The following TERF2IP variants were observed in gnomAD, a reference collection of about 807,000 sequenced individuals.
TERF2IP encodes the protein telomeric repeat-binding factor 2-interacting protein 1.
Under a neutral mutation model 33.3 loss-of-function variants are expected in TERF2IP, and 35 were observed. That is an observed-to-expected ratio of 1.05 (90% CI 0.80 to 1.39). The LOEUF (loss-of-function observed/expected upper bound fraction) is 1.39, where lower values mean the gene tolerates loss of function less well. Ranked by LOEUF, TERF2IP falls within the 40% of genes most tolerant of loss-of-function variation. TERF2IP has a pLI of 0.00. For missense variants in TERF2IP, 583 were observed against 524.8 expected, an observed-to-expected ratio of 1.11 and a Z score of -1.08; for synonymous variants, 253 against 223.2, an observed-to-expected ratio of 1.13 and a Z score of -1.19.
chr16:75,651,060 T>C (rs1280358880), intron 1 of TERF2IP, among the ~76,000 whole-genome samples: 1 of 152,184 alleles, frequency 6.6e-6, no homozygotes, highest in Non-Finnish European at 1.5e-5. Flanking sequence ...GGATGCTGCC[T>C]GATTTGCCAG....
intron 1 of TERF2IP, among the ~76,000 whole-genome samples, chr16:75,653,228 T>G (rs1414098173): frequency 1.3e-5 from 2 of 152,230 alleles, no homozygotes; most frequent in Non-Finnish European, 2.9e-5. Flanking sequence ...TGAACATGGG[T>G]ATAACTAGTA....
In TERF2IP at chr16:75,647,835, C is replaced by A; in HGVS notation, c.-48C>A. ...GCTCAGTCAGTTGAGCTCTGTGTGCCAGGCGCTCGCGAGGGGGTAGCTCTT... is the reference window on the plus strand; with the variant it reads ...GCTCAGTCAGTTGAGCTCTGTGTGCAAGGCGCTCGCGAGGGGGTAGCTCTT... On this transcript the variant is annotated 5_prime_UTR_variant, in exon 1 of 3. Transcript: ENST00000300086. 6.3e-7 allele frequency: 1 copy of A among 1,595,644 alleles called. No homozygotes were observed. Among genetic ancestry groups the A allele is most frequent in the Non-Finnish European group, 8.6e-7 (1 of 1,168,318 alleles).
intron 1 of TERF2IP, 198 bp downstream of exon 1, chr16:75,648,750 G>T: frequency 7.1e-7 from 1 of 1,403,448 alleles, no homozygotes; most frequent in South Asian, 1.6e-5. Flanking sequence ...TTTTGCGATG[G>T]GTCTCTGTTA....
intron 1 of TERF2IP, among the ~76,000 whole-genome samples, chr16:75,652,891 C>T (rs1003238063): frequency 1.3e-5 from 2 of 152,182 alleles, no homozygotes; most frequent in Non-Finnish European, 2.9e-5. Flanking sequence ...GGGTCAGAAA[C>T]ATGCCTATTA....
At chr16:75,654,148 TAAAAAAAA>T (rs34359798) in intron 1 of TERF2IP, 117 bp from the exon 2 acceptor site, 71 of 289,664 alleles carry the variant, frequency 2.5e-4, no homozygotes, top group South Asian at 3.7e-4. Flanking sequence ...CTTCTGATAG[TAAAAAAAA>T]AAAAAAAAAA....
chr16:75,655,668 C>T (rs1245010385), intron 2 of TERF2IP, among the ~76,000 whole-genome samples: 1 of 152,216 alleles, frequency 6.6e-6, no homozygotes, highest in East Asian at 1.9e-4. Flanking sequence ...GCTTTGTAAT[C>T]TGTCTAACCA....
intron 1 of TERF2IP, among the ~76,000 whole-genome samples, chr16:75,653,313 T>C (rs1448225341): frequency 6.6e-6 from 1 of 152,240 alleles, no homozygotes; most frequent in Non-Finnish European, 1.5e-5. Flanking sequence ...ATGGTAATTT[T>C]ATGTTTAATT....
At chr16:75,650,301 G>A (rs1450148546) in intron 1 of TERF2IP, among the ~76,000 whole-genome samples, 2 of 152,164 alleles carry the variant, frequency 1.3e-5, no homozygotes, top group Non-Finnish European at 1.5e-5. Flanking sequence ...GAGACCGAAG[G>A]AAGTGAAAGA....
chr16:75,653,571 G>A (rs568992125), intron 1 of TERF2IP, among the ~76,000 whole-genome samples: 2 of 152,296 alleles, frequency 1.3e-5, no homozygotes, highest in East Asian at 3.9e-4. Context: ...GGAACAGGAT[G>A]TTTAAATTTA....
rs1278656398 is a variant in TERF2IP at position 75,657,276 on chromosome 16, A to C, written c.*665A>C. The C allele has an allele frequency of 1.3e-5, 2 of 151,640 alleles. No homozygotes were observed. The highest frequency in any genetic ancestry group is 4.9e-5 in the African/African-American group (2 of 41,206). 9.4% of individuals were successfully genotyped at this position (151,640 alleles called of 1,614,324 possible). On this transcript the variant is annotated 3_prime_UTR_variant, in exon 3 of 3. Coordinates refer to ENST00000300086, the MANE Select transcript of TERF2IP (RefSeq NM_018975.4). ...CAGTTTTCCTTAAAACGCGCACACAACTCTAGAGAGTGTTAAGAATAATGT... is the reference window on the plus strand; with the variant it reads ...CAGTTTTCCTTAAAACGCGCACACACCTCTAGAGAGTGTTAAGAATAATGT...
intron 1 of TERF2IP, among the ~76,000 whole-genome samples, chr16:75,652,877 C>T (rs906330131): frequency 7.2e-5 from 11 of 152,134 alleles, no homozygotes; most frequent in African/African-American, 2.7e-4. Context: ...TTTTCTGCTT[C>T]TAGGGGTCAG....
chr16:75,650,789 G>T (rs2082341623), intron 1 of TERF2IP, among the ~76,000 whole-genome samples: 1 of 152,058 alleles, frequency 6.6e-6, no homozygotes, highest in African/African-American at 2.4e-5. Flanking sequence ...TGCCCGACTT[G>T]GCCTCCCAAA....
At position 75,648,136 on chromosome 16, in the gene TERF2IP, T is replaced by C. The variant is rs2151815797; in HGVS notation, c.254T>C (p.Leu85Pro). The part of the protein sequence containing the change: ...SGDFISTQYI[L>P]DCVERNERLE... ...GATTTCATCTCCACGCAGTACATCC[T>C]GGACTGCGTGGAGCGCAACGAGAGG... The change falls in exon 1 of 3, where the codon CTG becomes CCG. Residue 85 changes from leucine (L) to proline (P), a missense_variant. Transcript: ENST00000300086. 2 of 1,563,208 alleles carry C rather than the reference T, an allele frequency of 1.3e-6. No homozygotes were observed.
chr16:75,653,152 T>C (rs2082359506), intron 1 of TERF2IP, among the ~76,000 whole-genome samples: 1 of 152,238 alleles, frequency 6.6e-6, no homozygotes, highest in South Asian at 2.1e-4. Context: ...ATTTTGTTTT[T>C]CCATTAATGT....
intron 1 of TERF2IP, 102 bp downstream of exon 1, chr16:75,648,654 G>T (rs1597184215): frequency 3.5e-6 from 5 of 1,438,864 alleles, no homozygotes; most frequent in Non-Finnish European, 4.6e-6. Flanking sequence ...CGGTAGCAGC[G>T]CTTGGCCCCG....
rs543971435 is a variant in TERF2IP, at chr16:75,656,633, A to G, written c.*22A>G. On this transcript the variant is annotated 3_prime_UTR_variant, in exon 3 of 3. Transcript: ENST00000300086. ...ATAATTGGCAAGATAATGAGAAAAG[A>G]AAAAAGTCATGGTAGGTGAGGTGGT... The G allele has an allele frequency of 1.3e-6, 2 of 1,571,248 alleles. No homozygotes were observed. The highest frequency in any genetic ancestry group is 1.4e-5 in the African/African-American group (1 of 73,060).
chr16:75,649,684 A>C (rs2082332807), intron 1 of TERF2IP, among the ~76,000 whole-genome samples: 1 of 152,108 alleles, frequency 6.6e-6, no homozygotes. Flanking sequence ...ATTCAGTATA[A>C]AGGCGTACCA....
At position 75,656,769 on chromosome 16, in the gene TERF2IP, CAGAGTTGT is replaced by C. The variant is rs2082390379; in HGVS notation, c.*163_*170del. ...TGAGTCCTAGATTTTTGTAGCCAAG[CAGAGTTGT>C]AGAGGGGGATAAAAAGAAAAGAAAT... On this transcript the variant is annotated 3_prime_UTR_variant, in exon 3 of 3. Transcript: ENST00000300086. 1.5e-6 allele frequency: 1 copy of C among 680,700 alleles called. No homozygotes were observed. The highest frequency in any genetic ancestry group is 2.5e-6 in the Non-Finnish European group (1 of 406,724). The allele number at this position is 680,700 out of a possible 1,614,324, so 42.2% of individuals were successfully genotyped here.
Position 75,648,120 on chromosome 16 carries a change from T to A in TERF2IP, c.238T>A (p.Ser80Thr). ...GGCCGAGGCCTCGGGTGATTTCATC[T>A]CCACGCAGTACATCCTGGACTGCGT... is the stretch of plus-strand genomic sequence containing the variant. ...ALAEASGDFI[S>T]TQYILDCVER... Residue 80 changes from serine to threonine, a missense_variant, in exon 1 of 3, where the codon TCC (serine) becomes ACC (threonine). Coordinates refer to ENST00000300086, the MANE Select transcript of TERF2IP (RefSeq NM_018975.4). 1 of 1,558,580 alleles carries A rather than the reference T, an allele frequency of 6.4e-7. No individual in the cohort carries two copies. The highest frequency in any genetic ancestry group is 8.7e-7 in the Non-Finnish European group (1 of 1,152,620).
Sources: allele counts gnomAD v4.1 joint callset (sites outside exome capture counted in the v4.1 genomes callset), GRCh38; gene constraint gnomAD v4.1.1; transcripts MANE v1.5; gene names NCBI Gene and HGNC (gene_info 2026-07-23, HGNC 2026-07-21).